The following SLC6A15 variants were observed in gnomAD, a reference collection of about 807,000 sequenced individuals.
The protein encoded by SLC6A15 is solute carrier family 6 member 15, also known as sodium-dependent neutral amino acid transporter B(0)AT2.
A neutral mutation model predicts 68.5 loss-of-function variants in SLC6A15; 33 were observed. That is an observed-to-expected ratio of 0.48 (90% CI 0.37 to 0.64). The LOEUF is 0.64. SLC6A15 is among the 30% of genes least tolerant of loss of function. The pLI is 0.00. For synonymous variants in SLC6A15, 347 were observed against 301.0 expected, an observed-to-expected ratio of 1.15 and a Z score of -1.58; for missense variants, 747 against 874.3, an observed-to-expected ratio of 0.85 and a Z score of 1.84.
At position 84,881,601 on chromosome 12, in the gene SLC6A15, G is replaced by T. The variant is rs79956885; in HGVS notation, c.756+2258C>A. The T allele has an allele frequency of 0.01, 9,909 of 985,222 alleles. 583 individuals carry two copies. The African/African-American group carries it at 0.14, about 14-fold the overall frequency. 61.0% of individuals were successfully genotyped at this position (985,222 alleles called of 1,614,324 possible). A position where few individuals can be genotyped will look rare whatever the true frequency, so the allele number is the denominator to read the frequency against. On this transcript the variant is annotated intron_variant, in intron 5 of 11. Transcript: ENST00000266682. ...TGCAGTTTCCACTTAGCATTTTGGG[G>T]TATATGTATATGCATGTATGACTGT... is the stretch of plus-strand genomic sequence containing the variant.
Position 84,894,481 on chromosome 12 carries a change from C to T in SLC6A15, c.-188-2173G>A, listed in dbSNP as rs1266403651. On this transcript the variant is annotated intron_variant, in intron 1 of 11. Coordinates refer to ENST00000266682, the MANE Select transcript of SLC6A15 (RefSeq NM_182767.6). Reference sequence around the variant, plus strand: ...TCTTATTCCTTTTGCTTTTTCCATACAGACAGAAAAGTAAGGAGTGTATCC... The same window carrying T: ...TCTTATTCCTTTTGCTTTTTCCATATAGACAGAAAAGTAAGGAGTGTATCC... Among the ~76,000 whole-genome samples the T allele has an allele frequency of 2.0e-5, 3 of 151,988 alleles. No individual in the cohort carries two copies. In the East Asian group the frequency reaches 5.8e-4, roughly 29 times the overall value.
chr12:84,909,025 T>C (rs1873312956), intron 1 of SLC6A15, among the ~76,000 whole-genome samples: 1 of 152,156 alleles, frequency 6.6e-6, no homozygotes, highest in African/African-American at 2.4e-5. Context: ...TCCATATCTG[T>C]AGAATAAATT....
chr12:84,867,135 A>G lies in SLC6A15; in HGVS notation c.1554T>C (p.Asn518=), dbSNP rs1565719991. Residue 518 remains asparagine (N), a synonymous_variant, in exon 10 of 12, where the codon AAT becomes AAC. Transcript: ENST00000266682. ...IGLIFVQRSG[N]YFVTMFDDYS... Reference sequence around the variant, plus strand: ...AATCATCAAACATTGTAACAAAGTAATTTCCAGAGCGTTGCACAAATATCA... The same window carrying G: ...AATCATCAAACATTGTAACAAAGTAGTTTCCAGAGCGTTGCACAAATATCA... The G allele has an allele frequency of 6.2e-7, 1 of 1,612,850 alleles. No individual in the cohort carries two copies. The highest frequency in any genetic ancestry group is 2.2e-5 in the East Asian group (1 of 44,716).
At chr12:84,889,537 A>C (rs1872294746) in intron 2 of SLC6A15, among the ~76,000 whole-genome samples, 1 of 151,944 alleles carries the variant, frequency 6.6e-6, no homozygotes, top group Admixed American at 6.5e-5. Context: ...TAAAAATAAA[A>C]AAAACAGTTT....
chr12:84,888,059 G>A (rs970614857), intron 2 of SLC6A15, among the ~76,000 whole-genome samples: 4 of 150,302 alleles, frequency 2.7e-5, no homozygotes, highest in Admixed American at 1.3e-4. Context: ...GACGCCCCCC[G>A]TCTCTACTAA....
chr12:84,870,865 T>A (rs76667333), intron 8 of SLC6A15, among the ~76,000 whole-genome samples, 195 bp from the exon 9 acceptor site: 6,377 of 152,160 alleles, frequency 0.042, 402 homozygotes, highest in African/African-American at 0.14. Flanking sequence ...ATCAAGCAGA[T>A]CCAAATAATG....
chr12:84,888,357 C>G (rs777609696), intron 2 of SLC6A15, among the ~76,000 whole-genome samples: 4 of 151,810 alleles, frequency 2.6e-5, no homozygotes, highest in Non-Finnish European at 5.9e-5. Context: ...GATGTGGAAC[C>G]AGCCTAAGTG....
At position 84,859,915 on chromosome 12, in the gene SLC6A15, T is replaced by C. The variant is rs1870774420; in HGVS notation, c.*1717A>G. On this transcript the variant is annotated 3_prime_UTR_variant, in exon 12 of 12. Transcript: ENST00000266682. ...AGAAACTGGCAATGGTGATTGCCTT[T>C]AAAGATGGAGAATGGATGGCCAGGA... is the stretch of plus-strand genomic sequence containing the variant. The C allele has an allele frequency of 6.6e-6, 1 of 152,034 alleles. No individual in the cohort carries two copies. Among genetic ancestry groups the C allele is most frequent in the Non-Finnish European group, 1.5e-5 (1 of 67,904 alleles). 9.4% of individuals were successfully genotyped at this position (152,034 alleles called of 1,614,324 possible).
Position 84,910,928 on chromosome 12 carries a change from C to CGTGTGTGTGTGTGTGTGT in SLC6A15, c.-189+1577_-189+1594dup, listed in dbSNP as rs34335324. Among the ~76,000 whole-genome samples the CGTGTGTGTGTGTGTGTGT allele has an allele frequency of 1.1e-3, 165 of 143,546 alleles. 4 individuals are homozygous for CGTGTGTGTGTGTGTGTGT. The highest frequency in any genetic ancestry group is 4.4e-3 in the African/African-American group (155 of 35,324). 94.2% of individuals were successfully genotyped at this position (143,546 alleles called of 152,430 possible). On this transcript the variant is annotated intron_variant, in intron 1 of 11. Coordinates refer to ENST00000266682, the MANE Select transcript of SLC6A15 (RefSeq NM_182767.6). ...ATTTGCTGTTGAGCCGCCCTCTTTC[C>CGTGTGTGTGTGTGTGTGT]GTGTGTGTGTGTGTGTGTGTGTGTG...
At chr12:84,870,843 G>A (rs1054323144) in intron 8 of SLC6A15, among the ~76,000 whole-genome samples, 173 bp from the exon 9 acceptor site, 3 of 151,930 alleles carry the variant, frequency 2.0e-5, no homozygotes, top group African/African-American at 7.3e-5. Context: ...CTCAGAACCT[G>A]GATTTAATTA....
At chr12:84,903,436 T>TA (rs998527040) in intron 1 of SLC6A15, among the ~76,000 whole-genome samples, 2 of 151,836 alleles carry the variant, frequency 1.3e-5, no homozygotes, top group African/African-American at 2.4e-5. Flanking sequence ...ACATTGAGAA[T>TA]AAAAAAAATT....
At chr12:84,909,623 A>G (rs1457589877) in intron 1 of SLC6A15, among the ~76,000 whole-genome samples, 2 of 152,126 alleles carry the variant, frequency 1.3e-5, no homozygotes, top group Non-Finnish European at 2.9e-5. Context: ...CTGCTGAGAA[A>G]CCATTTCAAA....
chr12:84,875,692 A>G (rs1464724494), intron 6 of SLC6A15, among the ~76,000 whole-genome samples: 2 of 820 alleles, frequency 2.4e-3, no homozygotes, highest in South Asian at 0.062. Context: ...ATATATATAT[A>G]TATATATGAG....
chr12:84,875,764 A>T (rs1339980454), intron 6 of SLC6A15, among the ~76,000 whole-genome samples: 1 of 141,208 alleles, frequency 7.1e-6, no homozygotes, highest in Non-Finnish European at 1.5e-5. Context: ...CACACTTATG[A>T]TTAACCAGGT....
At chr12:84,904,997 T>TAACATCAATTCTACACA (rs1212023522) in intron 1 of SLC6A15, among the ~76,000 whole-genome samples, 1 of 152,090 alleles carries the variant, frequency 6.6e-6, no homozygotes. Flanking sequence ...AAAGAAGAAT[T>TAACATCAATTCTACACA]AACATCAATT....
intron 10 of SLC6A15, 123 bp from the exon 11 acceptor site, chr12:84,863,724 A>G (rs1870949392): frequency 1.7e-6 from 1 of 598,748 alleles, no homozygotes. Context: ...TTTATACTGT[A>G]TCAAAGTTCC....
chr12:84,869,569 A>G (rs573772746), intron 9 of SLC6A15, among the ~76,000 whole-genome samples: 2 of 151,430 alleles, frequency 1.3e-5, no homozygotes, highest in South Asian at 4.2e-4. Context: ...TACATCACTT[A>G]CCAGTATTGT....
At position 84,863,423 on chromosome 12, in the gene SLC6A15, C is replaced by T; in HGVS notation, c.1818+16G>A. The T allele has an allele frequency of 6.5e-7, 1 of 1,536,100 alleles. No homozygotes were observed. Among genetic ancestry groups the T allele is most frequent in the Non-Finnish European group, 8.7e-7 (1 of 1,150,740 alleles). ...ATATATCTTTTAAAAATGTAATTCCCTTATTTTGTATTTACCTTATCTTCA... is the reference window on the plus strand; with the variant it reads ...ATATATCTTTTAAAAATGTAATTCCTTTATTTTGTATTTACCTTATCTTCA... On this transcript the variant is annotated intron_variant, in intron 11 of 11. Coordinates refer to ENST00000266682, the MANE Select transcript of SLC6A15 (RefSeq NM_182767.6).
chr12:84,883,247 G>T (rs1871912290), intron 5 of SLC6A15: 1 of 984,404 alleles, frequency 1.0e-6, no homozygotes, highest in Non-Finnish European at 1.2e-6. Flanking sequence ...AAGCTACCTA[G>T]AATTCACTTA....
Sources: gnomAD v4.1 joint callset for allele counts (sites outside exome capture counted in the v4.1 genomes callset) on GRCh38, gnomAD v4.1.1 for gene constraint, MANE v1.5 for transcripts, NCBI Gene and HGNC (gene_info 2026-07-23, HGNC 2026-07-21) for gene names.